STAU1: variants seen among roughly 807,000 people sequenced by gnomAD.
STAU1 encodes double-stranded RNA-binding protein Staufen homolog 1.
In STAU1, 13 loss-of-function variants were observed where a neutral mutation model predicts 62.9. The ratio of observed to expected loss-of-function variants is 0.21; its 90% CI spans 0.13 to 0.33. The LOEUF (loss-of-function observed/expected upper bound fraction) is 0.33, where lower values mean the gene tolerates loss of function less well. STAU1 is among the 10% of genes least tolerant of loss of function. STAU1 has a pLI of 1.00. For synonymous variants in STAU1, 269 were observed against 265.1 expected, an observed-to-expected ratio of 1.01 and a Z score of -0.14; for missense variants, 571 against 712.1, an observed-to-expected ratio of 0.80 and a Z score of 2.25.
At chr20:49,170,785 GAAAAAA>G (rs34699924) in intron 2 of STAU1, among the ~76,000 whole-genome samples, 28 of 135,768 alleles carry the variant, frequency 2.1e-4, no homozygotes, top group Non-Finnish European at 3.1e-4. Context: ...ATGTGTCTGG[GAAAAAA>G]AAAAAAAAAA....
chr20:49,201,908 G>A, the STAU1 span, among the ~76,000 whole-genome samples: 5 of 151,924 alleles, frequency 3.3e-5, no homozygotes, highest in African/African-American at 1.2e-4. Context: ...CCTCAAATCA[G>A]TAACCTAATT....
At chr20:49,126,588 C>CAAAAAAAAAACAAAAAAAAAAAAA (rs1555837251) in intron 6 of STAU1, among the ~76,000 whole-genome samples, 2 of 56,348 alleles carry the variant, frequency 3.5e-5, no homozygotes, top group African/African-American at 1.3e-4. Flanking sequence ...AAAAAAAAAA[C>CAAAAAAAAAACAAAAAAAAAAAAA]AAAAAAAAAA....
intron 1 of STAU1, among the ~76,000 whole-genome samples, chr20:49,182,520 T>C (rs113513578): frequency 3.8e-4 from 58 of 152,308 alleles, no homozygotes; most frequent in African/African-American, 1.3e-3. Flanking sequence ...TTCATAATAC[T>C]GTATGGTAAA....
chr20:49,171,381 G>A (rs899055789), intron 2 of STAU1, among the ~76,000 whole-genome samples: 2 of 152,124 alleles, frequency 1.3e-5, no homozygotes, highest in African/African-American at 4.8e-5. Flanking sequence ...TGCAAGTTCC[G>A]CCTGCCAGGT....
the STAU1 span, among the ~76,000 whole-genome samples, chr20:49,202,721 C>A: frequency 6.6e-6 from 1 of 151,420 alleles, no homozygotes; most frequent in Non-Finnish European, 1.5e-5. Flanking sequence ...AACCATGTCT[C>A]TACAAAAAGA....
chr20:49,168,748 G>A (rs2093559472), intron 2 of STAU1, among the ~76,000 whole-genome samples: 1 of 152,094 alleles, frequency 6.6e-6, no homozygotes, highest in Admixed American at 6.6e-5. Context: ...GCCAATGTCT[G>A]GAGACATTTT....
chr20:49,166,729 C>T (rs904627319), intron 2 of STAU1, among the ~76,000 whole-genome samples: 28 of 152,118 alleles, frequency 1.8e-4, no homozygotes, highest in Admixed American at 6.6e-4. Flanking sequence ...TGAATGTGAA[C>T]ACTGCTTCCT....
At chr20:49,157,726 C>T (rs2093383969) in intron 3 of STAU1, among the ~76,000 whole-genome samples, 1 of 151,974 alleles carries the variant, frequency 6.6e-6, no homozygotes, top group Admixed American at 6.6e-5. Context: ...GAACTGCCCG[C>T]CTTGGACTCT....
intron 1 of STAU1, among the ~76,000 whole-genome samples, chr20:49,176,823 T>C (rs552423175): frequency 6.6e-6 from 1 of 152,236 alleles, no homozygotes; most frequent in South Asian, 2.1e-4. Context: ...AGAAGTTTTC[T>C]ATGTTGAACA....
chr20:49,178,570 GA>G (rs2093686767), intron 1 of STAU1, among the ~76,000 whole-genome samples: 2 of 151,974 alleles, frequency 1.3e-5, no homozygotes, highest in South Asian at 4.2e-4. Context: ...CTAACATGGT[GA>G]AACACTGTCT....
the STAU1 span, among the ~76,000 whole-genome samples, chr20:49,209,125 G>A: frequency 3.3e-5 from 5 of 150,800 alleles, no homozygotes; most frequent in East Asian, 3.9e-4. Flanking sequence ...TAGAAGAGAC[G>A]GGTTTCATCA....
At chr20:49,207,691 A>ATTT in the STAU1 span, among the ~76,000 whole-genome samples, 6 of 148,934 alleles carry the variant, frequency 4.0e-5, no homozygotes, top group South Asian at 6.4e-4. Flanking sequence ...AATTTTTTGT[A>ATTT]TTTTTTTTTT....
intron 6 of STAU1, among the ~76,000 whole-genome samples, chr20:49,125,212 A>C (rs987462265): frequency 6.8e-6 from 1 of 146,530 alleles, no homozygotes; most frequent in African/African-American, 2.5e-5. Flanking sequence ...AAAAAAAAAA[A>C]AAAAAAAAAA....
At chr20:49,185,847 G>T (rs975547249) in intron 1 of STAU1, among the ~76,000 whole-genome samples, 2 of 151,966 alleles carry the variant, frequency 1.3e-5, no homozygotes, top group African/African-American at 4.8e-5. Flanking sequence ...GCTTTATACT[G>T]CTTGTATAGT....
intron 3 of STAU1, among the ~76,000 whole-genome samples, chr20:49,161,154 A>G: frequency 6.6e-6 from 1 of 151,498 alleles, no homozygotes; most frequent in Middle Eastern, 3.2e-3. Context: ...CTTCATCTCC[A>G]CAAAGAATTA....
chr20:49,151,801 A>G, intron 4 of STAU1, 54 bp from the exon 5 acceptor site: 1 of 1,509,026 alleles, frequency 6.6e-7, no homozygotes, highest in African/African-American at 1.4e-5. Context: ...TAAGTCACCT[A>G]TACACTCTCT....
upstream of STAU1, among the ~76,000 whole-genome samples, chr20:49,190,438 C>G (rs1295458697): frequency 6.6e-6 from 1 of 152,192 alleles, no homozygotes; most frequent in Non-Finnish European, 1.5e-5. Flanking sequence ...CATGTGCCAC[C>G]ACTCCCAGCT....
chr20:49,137,286 G>A (rs923666234), intron 5 of STAU1, among the ~76,000 whole-genome samples: 9 of 152,142 alleles, frequency 5.9e-5, no homozygotes, highest in African/African-American at 2.2e-4. Context: ...AACTAATAAA[G>A]TCTCCTCAAC....
chr20:49,165,946 A>G (rs1416227004), intron 3 of STAU1, 51 bp downstream of exon 3: 1 of 1,590,648 alleles, frequency 6.3e-7, no homozygotes, highest in Non-Finnish European at 8.6e-7. Context: ...AGATCAGAAA[A>G]CAGGGTAAGA....
Sources: gnomAD v4.1 joint callset for allele counts (sites outside exome capture counted in the v4.1 genomes callset) on GRCh38, gnomAD v4.1.1 for gene constraint, MANE v1.5 for transcripts, NCBI Gene and HGNC (gene_info 2026-07-23, HGNC 2026-07-21) for gene names.